ZSCAN5A: variants seen among roughly 807,000 people sequenced by gnomAD.
ZSCAN5A encodes the protein zinc finger and SCAN domain containing 5A.
Under a neutral mutation model 23.7 loss-of-function variants are expected in ZSCAN5A, and 12 were observed. That is an observed-to-expected ratio of 0.51 (90% CI 0.32 to 0.82). ZSCAN5A has a LOEUF of 0.82. Ranked by LOEUF, ZSCAN5A falls within the 40% of genes least tolerant of loss-of-function variation. ZSCAN5A has a pLI of 0.03. For missense variants in ZSCAN5A, 597 were observed against 617.9 expected (o/e 0.97, Z 0.36); for synonymous variants, 257 against 239.9 (o/e 1.07, Z -0.66).
At chr19:56,247,777 A>C (rs146761180) in intron 2 of ZSCAN5A, among the ~76,000 whole-genome samples, 3,830 of 151,922 alleles carry the variant, frequency 0.025, 167 homozygotes, top group African/African-American at 0.088. Context: ...CTGCCAGCTC[A>C]GTCTCCCAGG....
In ZSCAN5A at chr19:56,221,490, CA is replaced by C; in HGVS notation, c.*84del. 6.7e-7 allele frequency: 1 copy of C among 1,493,440 alleles called. No individual in the cohort carries two copies. Among genetic ancestry groups the C allele is most frequent in the South Asian group, 1.4e-5 (1 of 72,274 alleles). 92.5% of individuals were successfully genotyped at this position (1,493,440 alleles called of 1,614,324 possible). A position where few individuals can be genotyped will look rare whatever the true frequency, so the allele number is the denominator to read the frequency against. On this transcript the variant is annotated 3_prime_UTR_variant, in exon 6 of 6. Transcript: ENST00000683990. ...TCCCTCTGTGTGTCAGACGCCCTTG[CA>C]TGTGTCAAATGTCATCTGATAACAT... is the stretch of plus-strand genomic sequence containing the variant.
intron 2 of ZSCAN5A, among the ~76,000 whole-genome samples, chr19:56,295,480 A>G (rs1328605517): frequency 6.6e-6 from 1 of 152,156 alleles, no homozygotes; most frequent in Admixed American, 6.5e-5. Context: ...CTGTGCTCCC[A>G]GCTACTCAGG....
intron 2 of ZSCAN5A, among the ~76,000 whole-genome samples, chr19:56,282,042 G>A (rs979434090): frequency 6.6e-6 from 1 of 152,158 alleles, no homozygotes; most frequent in African/African-American, 2.4e-5. Context: ...AGGGGCCTTT[G>A]CTCTAGAATG....
intron 2 of ZSCAN5A, chr19:56,284,147 C>T (rs546621886): frequency 9.1e-6 from 9 of 985,380 alleles, no homozygotes; most frequent in Admixed American, 1.2e-4. Flanking sequence ...TTCTGGACCA[C>T]GCATGTAACC....
chr19:56,337,596 TGCACCCACTGTCCG>T (rs1271065005), intron 2 of ZSCAN5A, among the ~76,000 whole-genome samples: 1 of 152,202 alleles, frequency 6.6e-6, no homozygotes, highest in Non-Finnish European at 1.5e-5. Context: ...CCCACTGTCC[TGCACCCACTGTCCG>T]GCACTCCCCA....
intron 2 of ZSCAN5A, among the ~76,000 whole-genome samples, chr19:56,333,860 T>A (rs186720522): frequency 0.017 from 2,504 of 151,514 alleles, 66 homozygotes; most frequent in African/African-American, 0.058. Context: ...AAGAAAAATA[T>A]ATATATATAT....
At chr19:56,316,003 C>T (rs1040699379), upstream of ZSCAN5A, 1 of 152,164 alleles carries the variant, frequency 6.6e-6, no homozygotes, top group South Asian at 2.1e-4. Flanking sequence ...TTGGATGTTA[C>T]GACCACTAAA....
chr19:56,264,532 A>G (rs566167231), intron 2 of ZSCAN5A, among the ~76,000 whole-genome samples: 25 of 152,352 alleles, frequency 1.6e-4, no homozygotes, highest in African/African-American at 5.8e-4. Flanking sequence ...TTTAGTAGAA[A>G]TCAAGGTAAG....
intron 2 of ZSCAN5A, among the ~76,000 whole-genome samples, chr19:56,233,390 G>C (rs1312354425): frequency 6.6e-6 from 1 of 152,074 alleles, no homozygotes; most frequent in Non-Finnish European, 1.5e-5. Context: ...GCTCGTTATC[G>C]TGTTGAGAAT....
rs181343330 is a variant in ZSCAN5A at position 56,342,284 on chromosome 19, A to G, written c.-358+20951T>C. The G allele has an allele frequency of 2.2e-3, 334 of 150,446 alleles. 2 individuals are homozygous for G. The highest frequency in any genetic ancestry group is 7.8e-3 in the African/African-American group (312 of 40,016). The allele number at this position is 150,446 out of a possible 1,614,324, so 9.3% of individuals were successfully genotyped here. Reference sequence around the variant, plus strand: ...CCATACAAGATTCTTTCTCATATAAAATTATTTCTCTTTAAGCTGTCTTAC... The same window carrying G: ...CCATACAAGATTCTTTCTCATATAAGATTATTTCTCTTTAAGCTGTCTTAC... On this transcript the variant is annotated intron_variant, in intron 2 of 6. Coordinates refer to the ZSCAN5A transcript ENST00000587340.
At chr19:56,224,535 G>C in intron 3 of ZSCAN5A, 128 bp downstream of exon 3, 9 of 1,174,290 alleles carry the variant, frequency 7.7e-6, no homozygotes, top group Non-Finnish European at 9.6e-6. Flanking sequence ...TGTCCCCGAC[G>C]GGCAAACTCT....
intron 2 of ZSCAN5A, among the ~76,000 whole-genome samples, chr19:56,308,906 T>C (rs920128088): frequency 6.6e-6 from 1 of 152,186 alleles, no homozygotes; most frequent in African/African-American, 2.4e-5. Context: ...CATATAAAGG[T>C]GTGCTTTCAA....
At chr19:56,237,949 A>AT (rs2035063653) in intron 2 of ZSCAN5A, among the ~76,000 whole-genome samples, 1 of 151,176 alleles carries the variant, frequency 6.6e-6, no homozygotes, top group Non-Finnish European at 1.5e-5. Context: ...ATGATAGATC[A>AT]TAAGTGTTTC....
At chr19:56,256,139 A>C (rs1335660453) in intron 2 of ZSCAN5A, among the ~76,000 whole-genome samples, 1 of 152,202 alleles carries the variant, frequency 6.6e-6, no homozygotes, top group Non-Finnish European at 1.5e-5. Flanking sequence ...AGGATAATGG[A>C]GAATATATGT....
chr19:56,269,465 T>C (rs2037695090), intron 2 of ZSCAN5A, among the ~76,000 whole-genome samples: 1 of 152,190 alleles, frequency 6.6e-6, no homozygotes, highest in Non-Finnish European at 1.5e-5. Context: ...TCCTGGAACC[T>C]GGGAGTGTGT....
chr19:56,323,277 C>T (rs947295251), intron 2 of ZSCAN5A, among the ~76,000 whole-genome samples: 13 of 152,080 alleles, frequency 8.5e-5, no homozygotes, highest in South Asian at 2.1e-4. Context: ...CTCACTGCAG[C>T]CTCAACCTCC....
intron 2 of ZSCAN5A, among the ~76,000 whole-genome samples, chr19:56,303,747 C>T (rs1193159645): frequency 6.6e-6 from 1 of 152,144 alleles, no homozygotes; most frequent in Non-Finnish European, 1.5e-5. Context: ...CTCCAAAAAA[C>T]ATGAACTAAA....
At chr19:56,225,480 G>C (rs551070575) in intron 2 of ZSCAN5A, 10 of 157,324 alleles carry the variant, frequency 6.4e-5, no homozygotes, top group Non-Finnish European at 7.0e-5. Flanking sequence ...CAACAATAAA[G>C]TAAGCCCTTT....
chr19:56,227,775 G>T (rs978429550), intron 2 of ZSCAN5A, among the ~76,000 whole-genome samples: 1 of 152,112 alleles, frequency 6.6e-6, no homozygotes, highest in African/African-American at 2.4e-5. Flanking sequence ...AGGGTGTGTG[G>T]CAGGCAAAGT....
Sources: allele counts gnomAD v4.1 joint callset (sites outside exome capture counted in the v4.1 genomes callset), GRCh38; gene constraint gnomAD v4.1.1; transcripts MANE v1.5; gene names NCBI Gene and HGNC (gene_info 2026-07-23, HGNC 2026-07-21).